PPARGC1A: variants seen among roughly 807,000 people sequenced by gnomAD.
PPARGC1A encodes PPARG coactivator 1 alpha.
A neutral mutation model predicts 88.7 loss-of-function variants in PPARGC1A; 25 were observed. The observed-to-expected ratio is 0.28, with a 90% confidence interval of 0.21 to 0.39. The LOEUF (loss-of-function observed/expected upper bound fraction) is 0.39. PPARGC1A is among the 10% of genes least tolerant of loss of function. The pLI is 1.00. For missense variants in PPARGC1A, 880 were observed against 968.7 expected, an observed-to-expected ratio of 0.91 and a Z score of 1.22; for synonymous variants, 363 against 355.6, an observed-to-expected ratio of 1.02 and a Z score of -0.24.
intron 2 of PPARGC1A, among the ~76,000 whole-genome samples, chr4:23,858,039 T>A: frequency 6.6e-6 from 1 of 151,982 alleles, no homozygotes; most frequent in East Asian, 1.9e-4. Flanking sequence ...GGCTAAATAC[T>A]ACTATGGCTT....
At chr4:23,905,595 A>T (rs1381130517), upstream of PPARGC1A, among the ~76,000 whole-genome samples, 2 of 152,232 alleles carry the variant, frequency 1.3e-5, no homozygotes, top group South Asian at 2.1e-4. Context: ...AGTAATACAG[A>T]AATAGCATCC....
chr4:24,346,020 T>G, the PPARGC1A span, among the ~76,000 whole-genome samples: 1 of 152,248 alleles, frequency 6.6e-6, no homozygotes, highest in Non-Finnish European at 1.5e-5. Flanking sequence ...ATGCTTTTTC[T>G]GCATCTACTG....
chr4:24,265,037 A>G, the PPARGC1A span, among the ~76,000 whole-genome samples: 1 of 152,212 alleles, frequency 6.6e-6, no homozygotes, highest in Non-Finnish European at 1.5e-5. Context: ...TATGTCATAC[A>G]ATGTATGTTT....
chr4:24,355,193 C>A, the PPARGC1A span, among the ~76,000 whole-genome samples: 4 of 152,252 alleles, frequency 2.6e-5, no homozygotes, highest in East Asian at 7.7e-4. Flanking sequence ...GGAACCAAAC[C>A]GATTTTAAAA....
intron 2 of PPARGC1A, among the ~76,000 whole-genome samples, chr4:23,873,544 C>T (rs894583206): frequency 2.0e-5 from 3 of 152,170 alleles, no homozygotes; most frequent in Non-Finnish European, 2.9e-5. Context: ...CCGTAGCTAC[C>T]GGCAAGCACA....
At chr4:24,031,941 T>C in the PPARGC1A span, among the ~76,000 whole-genome samples, 2 of 152,202 alleles carry the variant, frequency 1.3e-5, no homozygotes, top group East Asian at 3.9e-4. Flanking sequence ...GAGGGGGAAC[T>C]GGCTGTCCTC....
At chr4:24,463,916 C>A in the PPARGC1A span, among the ~76,000 whole-genome samples, 1 of 152,210 alleles carries the variant, frequency 6.6e-6, no homozygotes, top group Non-Finnish European at 1.5e-5. Flanking sequence ...TTCTTTGGAA[C>A]CTGACAATAC....
At chr4:24,158,030 C>A in the PPARGC1A span, among the ~76,000 whole-genome samples, 1 of 152,256 alleles carries the variant, frequency 6.6e-6, no homozygotes, top group East Asian at 1.9e-4. Flanking sequence ...CCGCCATGAT[C>A]TAGCCCCTGC....
At chr4:24,363,716 G>A in the PPARGC1A span, among the ~76,000 whole-genome samples, 1 of 152,146 alleles carries the variant, frequency 6.6e-6, no homozygotes, top group African/African-American at 2.4e-5. Flanking sequence ...ATTATTTAAT[G>A]GGTGCCCAGC....
chr4:24,353,016 A>G, the PPARGC1A span, among the ~76,000 whole-genome samples: 27 of 152,180 alleles, frequency 1.8e-4, no homozygotes, highest in Admixed American at 9.2e-4. Context: ...ATCACCGCCA[A>G]CGTTCTCTCT....
At chr4:23,917,464 C>T in the PPARGC1A span, among the ~76,000 whole-genome samples, 1 of 151,400 alleles carries the variant, frequency 6.6e-6, no homozygotes, top group African/African-American at 2.4e-5. Context: ...GCTGGGACTA[C>T]AGGCGCCCGC....
At chr4:23,888,236 T>G (rs1261963680) in intron 1 of PPARGC1A, among the ~76,000 whole-genome samples, 1 of 152,220 alleles carries the variant, frequency 6.6e-6, no homozygotes, top group Non-Finnish European at 1.5e-5. Context: ...GACTGGCGAC[T>G]CTATCCATGG....
chr4:24,436,237 A>C, the PPARGC1A span, among the ~76,000 whole-genome samples: 2 of 152,258 alleles, frequency 1.3e-5, no homozygotes, highest in African/African-American at 4.8e-5. Flanking sequence ...TTTTAATGCA[A>C]TGTATAAATT....
At chr4:23,922,315 G>C in the PPARGC1A span, among the ~76,000 whole-genome samples, 10 of 152,278 alleles carry the variant, frequency 6.6e-5, no homozygotes, top group Admixed American at 5.9e-4. Context: ...ATCAAGGAAG[G>C]AACATCTCCA....
chr4:23,826,478 A>C, intron 5 of PPARGC1A, among the ~76,000 whole-genome samples: 1 of 152,204 alleles, frequency 6.6e-6, no homozygotes. Context: ...TAAGGAAAAG[A>C]ACCTGACTCC....
chr4:24,232,183 G>A, the PPARGC1A span, among the ~76,000 whole-genome samples: 3 of 149,794 alleles, frequency 2.0e-5, no homozygotes, highest in Non-Finnish European at 1.5e-5. Flanking sequence ...TACTTCTTGA[G>A]AGAGGGACAG....
intron 1 of PPARGC1A, among the ~76,000 whole-genome samples, chr4:23,895,897 T>C (rs1417492469): frequency 6.6e-6 from 1 of 151,784 alleles, no homozygotes; most frequent in Non-Finnish European, 1.5e-5. Flanking sequence ...GCAATGTGAA[T>C]ATCCAACATT....
the PPARGC1A span, among the ~76,000 whole-genome samples, chr4:24,270,158 T>G: frequency 6.6e-6 from 1 of 152,260 alleles, no homozygotes; most frequent in Middle Eastern, 3.4e-3. Context: ...AGACTGGAAT[T>G]TACACCATCT....
chr4:24,370,742 T>C, the PPARGC1A span, among the ~76,000 whole-genome samples: 1 of 138,644 alleles, frequency 7.2e-6, no homozygotes, highest in Non-Finnish European at 1.5e-5. Context: ...GTTTCTCCTG[T>C]CTCTCTCTTT....
Sources: gnomAD v4.1 joint callset for allele counts (sites outside exome capture counted in the v4.1 genomes callset) on GRCh38, gnomAD v4.1.1 for gene constraint, MANE v1.5 for transcripts, NCBI Gene and HGNC (gene_info 2026-07-23, HGNC 2026-07-21) for gene names.